The following PCDH15 variants were observed in gnomAD, a reference collection of about 807,000 sequenced individuals.
The protein encoded by PCDH15 is protocadherin-15.
In PCDH15, 129 loss-of-function variants were observed where a neutral mutation model predicts 178.5. The observed-to-expected ratio is 0.72, with a 90% confidence interval of 0.63 to 0.84. PCDH15 has a LOEUF of 0.84. Among genes scored for constraint, PCDH15 ranks in the 40% least tolerant of loss-of-function variants. PCDH15 has a pLI of 0.00. For missense variants in PCDH15, 2,230 were observed against 2,099.9 expected, an observed-to-expected ratio of 1.06 and a Z score of -1.21; for synonymous variants, 800 against 732.0, an observed-to-expected ratio of 1.09 and a Z score of -1.50.
intron 2 of PCDH15, among the ~76,000 whole-genome samples, chr10:54,994,235 A>T (rs1044629794): frequency 2.6e-5 from 4 of 152,096 alleles, no homozygotes; most frequent in Non-Finnish European, 5.9e-5. Context: ...CTAATTAATG[A>T]CTCTCTGTCA....
intron 1 of PCDH15, among the ~76,000 whole-genome samples, chr10:54,799,306 AT>A (rs1257919516): frequency 6.6e-6 from 1 of 151,846 alleles, no homozygotes; most frequent in African/African-American, 2.4e-5. Flanking sequence ...CAAAATTTAA[AT>A]GTGAACAAAT....
At chr10:54,625,932 T>C (rs1351022102) in intron 2 of PCDH15, among the ~76,000 whole-genome samples, 1 of 152,108 alleles carries the variant, frequency 6.6e-6, no homozygotes, top group Admixed American at 6.6e-5. Context: ...CTGATAGTGA[T>C]ATGAACAATA....
intron 2 of PCDH15, among the ~76,000 whole-genome samples, chr10:55,358,571 T>C (rs573874702): frequency 1.2e-3 from 188 of 152,214 alleles, no homozygotes; most frequent in African/African-American, 4.3e-3. Context: ...GTTGTAATAA[T>C]ATAATAGTTG....
At chr10:55,251,124 A>G (rs1780356446) in intron 1 of PCDH15, among the ~76,000 whole-genome samples, 1 of 152,124 alleles carries the variant, frequency 6.6e-6, no homozygotes, top group African/African-American at 2.4e-5. Context: ...ATATTGTATC[A>G]GTATATCGAC....
chr10:54,036,234 T>TA (rs955351947), intron 18 of PCDH15, among the ~76,000 whole-genome samples: 12 of 151,956 alleles, frequency 7.9e-5, no homozygotes, highest in African/African-American at 2.7e-4. Context: ...GTGGCTACGC[T>TA]AAAAAAACAG....
chr10:55,023,603 A>G (rs767073703), intron 2 of PCDH15, among the ~76,000 whole-genome samples: 8 of 152,078 alleles, frequency 5.3e-5, no homozygotes, highest in Non-Finnish European at 1.2e-4. Flanking sequence ...GCTAAGATGA[A>G]AGGCAATATT....
rs1038523003 is a variant in PCDH15 at position 55,430,056 on chromosome 10, T to C, written c.-156+197569A>G. 5.3e-5 allele frequency among the ~76,000 whole-genome samples: 8 copies of C among 152,276 alleles called. No individual in the cohort carries two copies. The East Asian group carries it at 1.3e-3, about 26-fold the overall frequency. The stretch of plus-strand genomic sequence containing the variant: ...AAGAATTTGTTATAGGTATGTAATA[T>C]AGGTTAGTACATAAATACATAAATA... On this transcript the variant is annotated intron_variant, in intron 2 of 5. Transcript: ENST00000613346.
intron 2 of PCDH15, among the ~76,000 whole-genome samples, chr10:54,995,116 T>C (rs182113803): frequency 9.9e-5 from 15 of 151,996 alleles, no homozygotes; most frequent in African/African-American, 2.9e-4. Flanking sequence ...GTGGCTCACG[T>C]TTGTAATCCC....
chr10:53,987,836 A>G (rs59977601), intron 21 of PCDH15, among the ~76,000 whole-genome samples: 8,262 of 152,156 alleles, frequency 0.054, 335 homozygotes, highest in East Asian at 0.19. Context: ...CACCTGTACC[A>G]CATTACTAGC....
intron 3 of PCDH15, among the ~76,000 whole-genome samples, chr10:54,393,413 G>A (rs984483043): frequency 2.0e-5 from 3 of 152,170 alleles, no homozygotes; most frequent in Non-Finnish European, 4.4e-5. Context: ...CATATCATTT[G>A]CAGAGGGATA....
At chr10:54,227,260 C>T (rs2053558351) in intron 9 of PCDH15, among the ~76,000 whole-genome samples, 1 of 152,232 alleles carries the variant, frequency 6.6e-6, no homozygotes, top group Non-Finnish European at 1.5e-5. Flanking sequence ...CATTTCCACA[C>T]ATCTTCTGAA....
intron 2 of PCDH15, among the ~76,000 whole-genome samples, chr10:54,581,794 G>A (rs1380665496): frequency 6.6e-6 from 1 of 151,990 alleles, no homozygotes; most frequent in Non-Finnish European, 1.5e-5. Context: ...TACGATCTGT[G>A]ACAAAGTTGA....
At chr10:54,037,273 C>T (rs2093437368) in intron 18 of PCDH15, among the ~76,000 whole-genome samples, 1 of 151,864 alleles carries the variant, frequency 6.6e-6, no homozygotes, top group South Asian at 2.1e-4. Flanking sequence ...TATTTAGCTA[C>T]AATGCTATCA....
At position 54,148,016 on chromosome 10, in the gene PCDH15, T is replaced by C. The variant is rs556140980; in HGVS notation, c.1784+5084A>G. 6.6e-5 allele frequency among the ~76,000 whole-genome samples: 10 copies of C among 152,148 alleles called. No homozygotes were observed. The South Asian group carries it at 2.1e-3, about 32-fold the overall frequency. ...CTAAATTATGCAAAAGTCATGATGCTATTGTTAATATTAGAAATTATATAT... is the reference window on the plus strand; with the variant it reads ...CTAAATTATGCAAAAGTCATGATGCCATTGTTAATATTAGAAATTATATAT... On this transcript the variant is annotated intron_variant, in intron 14 of 37. Transcript: ENST00000644397.
intron 21 of PCDH15, among the ~76,000 whole-genome samples, chr10:53,967,919 G>A (rs2089215716): frequency 1.3e-5 from 2 of 152,082 alleles, no homozygotes; most frequent in Admixed American, 1.3e-4. Context: ...GGCCAAATAG[G>A]AACAGCTCCA....
At chr10:54,981,321 A>C (rs1367333242) in intron 2 of PCDH15, among the ~76,000 whole-genome samples, 1 of 152,140 alleles carries the variant, frequency 6.6e-6, no homozygotes, top group Non-Finnish European at 1.5e-5. Flanking sequence ...TTCCATCACT[A>C]TCATGAGTCT....
chr10:54,589,312 G>A (rs1331542955), intron 2 of PCDH15, among the ~76,000 whole-genome samples: 1 of 151,834 alleles, frequency 6.6e-6, no homozygotes, highest in Non-Finnish European at 1.5e-5. Flanking sequence ...CCTCTCCCTG[G>A]AACACTATTC....
intron 1 of PCDH15, among the ~76,000 whole-genome samples, chr10:55,214,767 A>G (rs1414404547): frequency 6.6e-6 from 1 of 151,994 alleles, no homozygotes; most frequent in Non-Finnish European, 1.5e-5. Flanking sequence ...ACATACCACT[A>G]TGCTTGGCTT....
intron 3 of PCDH15, among the ~76,000 whole-genome samples, chr10:54,391,457 C>T: frequency 6.6e-6 from 1 of 151,944 alleles, no homozygotes; most frequent in Middle Eastern, 3.2e-3. Context: ...ATGTCACCCT[C>T]AAATTTAGAT....
Sources: allele counts gnomAD v4.1 joint callset (sites outside exome capture counted in the v4.1 genomes callset), GRCh38; gene constraint gnomAD v4.1.1; transcripts MANE v1.5; gene names NCBI Gene and HGNC (gene_info 2026-07-23, HGNC 2026-07-21).